The following PDE4D variants were observed in gnomAD, a reference collection of about 807,000 sequenced individuals.
The protein encoded by PDE4D is 3',5'-cyclic-AMP phosphodiesterase 4D.
Under a neutral mutation model 87.4 loss-of-function variants are expected in PDE4D, and 24 were observed. That is an observed-to-expected ratio of 0.27 (90% CI 0.20 to 0.39). PDE4D has a LOEUF of 0.39. Among genes scored for constraint, PDE4D ranks in the 10% least tolerant of loss-of-function variants. The pLI, the probability that PDE4D is intolerant of heterozygous loss-of-function variation, is 1.00. For synonymous variants in PDE4D, 384 were observed against 383.2 expected (o/e 1.00, Z -0.02); for missense variants, 714 against 1,041.0 (o/e 0.69, Z 4.32).
intron 2 of PDE4D, among the ~76,000 whole-genome samples, chr5:60,158,613 A>G (rs1478861043): frequency 1.3e-5 from 2 of 152,152 alleles, no homozygotes; most frequent in Non-Finnish European, 2.9e-5. Flanking sequence ...CCCAGGCTGG[A>G]GTGCAGTGGC....
At chr5:59,617,920 C>T (rs149234107) in intron 1 of PDE4D, among the ~76,000 whole-genome samples, 384 of 152,286 alleles carry the variant, frequency 2.5e-3, no homozygotes, top group African/African-American at 8.8e-3. Context: ...AAGTAGTGGC[C>T]TCTTTTCAAG....
chr5:60,151,116 A>G (rs1281248467), intron 2 of PDE4D, among the ~76,000 whole-genome samples: 2 of 152,190 alleles, frequency 1.3e-5, no homozygotes, highest in Non-Finnish European at 2.9e-5. Context: ...ATTCCCTCTA[A>G]TCAAGTACAA....
chr5:59,574,300 T>A (rs955365587), intron 1 of PDE4D, among the ~76,000 whole-genome samples: 28 of 150,482 alleles, frequency 1.9e-4, no homozygotes, highest in African/African-American at 5.1e-4. Flanking sequence ...TCATACCTTA[T>A]TTCTCTTTGC....
At chr5:59,535,072 TGTGTG>T (rs1457600299) in intron 1 of PDE4D, among the ~76,000 whole-genome samples, 2 of 77,254 alleles carry the variant, frequency 2.6e-5, no homozygotes, top group African/African-American at 8.5e-5. Context: ...TGTGTGTGTG[TGTGTG>T]GGGGGGGGGT....
At chr5:60,248,623 A>G (rs1057416896) in intron 1 of PDE4D, among the ~76,000 whole-genome samples, 3 of 152,080 alleles carry the variant, frequency 2.0e-5, no homozygotes, top group African/African-American at 4.8e-5. Flanking sequence ...GACAGACTGG[A>G]CCTTCACAAT....
At chr5:59,802,793 T>A (rs916233248) in intron 1 of PDE4D, among the ~76,000 whole-genome samples, 1 of 152,062 alleles carries the variant, frequency 6.6e-6, no homozygotes, top group African/African-American at 2.4e-5. Flanking sequence ...GCTATAAGGA[T>A]GAAATCAATG....
At chr5:60,511,517 T>TTAATAATAATAATAATAATAA (rs150885033) in intron 1 of PDE4D, among the ~76,000 whole-genome samples, 2 of 147,744 alleles carry the variant, frequency 1.4e-5, no homozygotes, top group African/African-American at 2.5e-5. Flanking sequence ...CTATAGAAAT[T>TTAATAATAATAATAATAATAA]TAATAATAAT....
intron 5 of PDE4D, among the ~76,000 whole-genome samples, chr5:59,078,141 AG>A (rs1224316503): frequency 1.3e-5 from 2 of 152,318 alleles, no homozygotes; most frequent in Admixed American, 1.3e-4. Flanking sequence ...GTAATACACA[AG>A]GAAGTATGCA....
chr5:60,316,202 C>T (rs1583397039), intron 1 of PDE4D, among the ~76,000 whole-genome samples: 1 of 152,270 alleles, frequency 6.6e-6, no homozygotes. Context: ...AGGTCCTTCA[C>T]GTCCCTTGTA....
chr5:59,284,074 C>T (rs1766386135), intron 1 of PDE4D, among the ~76,000 whole-genome samples: 1 of 152,146 alleles, frequency 6.6e-6, no homozygotes, highest in Non-Finnish European at 1.5e-5. Context: ...TGATCACTTT[C>T]AGATCTTTGC....
intron 5 of PDE4D, among the ~76,000 whole-genome samples, chr5:59,085,452 T>C (rs950601395): frequency 2.0e-5 from 3 of 152,198 alleles, no homozygotes; most frequent in African/African-American, 7.2e-5. Context: ...TATTATTTTG[T>C]AATAGATATG....
At chr5:60,065,691 C>T (rs12189363) in intron 2 of PDE4D, among the ~76,000 whole-genome samples, 3 of 151,984 alleles carry the variant, frequency 2.0e-5, no homozygotes, top group Non-Finnish European at 2.9e-5. Context: ...TGCGTGTTTG[C>T]TTTTTTGTCC....
chr5:59,700,099 A>G (rs889260682), intron 1 of PDE4D, among the ~76,000 whole-genome samples: 3 of 152,192 alleles, frequency 2.0e-5, no homozygotes, highest in African/African-American at 7.2e-5. Context: ...CATAACCATT[A>G]CTGAACTCTA....
At position 59,939,764 on chromosome 5, in the gene PDE4D, C is replaced by A. The variant is rs188058771; in HGVS notation, c.272+48724G>T. Among the ~76,000 whole-genome samples, 36 of 152,218 alleles carry A rather than the reference C, an allele frequency of 2.4e-4. 1 individual carries two copies. The East Asian group carries it at 6.0e-3, about 25-fold the overall frequency. On this transcript the variant is annotated intron_variant, in intron 3 of 16. Coordinates refer to the PDE4D transcript ENST00000502484. ...AAGGAAAGCAGACGGGGGTACCTAACTGTAGAGGACCTTGTAGGCCAACCT... is the reference window on the plus strand; with the variant it reads ...AAGGAAAGCAGACGGGGGTACCTAAATGTAGAGGACCTTGTAGGCCAACCT...
chr5:59,214,706 C>T (rs1750844581), intron 2 of PDE4D, among the ~76,000 whole-genome samples: 1 of 152,082 alleles, frequency 6.6e-6, no homozygotes, highest in Non-Finnish European at 1.5e-5. Context: ...AAAATAGGGC[C>T]ACTAGGAATA....
chr5:59,342,748 T>C (rs1778940971), intron 1 of PDE4D, among the ~76,000 whole-genome samples: 1 of 152,056 alleles, frequency 6.6e-6, no homozygotes, highest in African/African-American at 2.4e-5. Context: ...ATATAAAATA[T>C]AAAGTCAGAA....
chr5:59,980,985 C>A (rs1255934513), intron 3 of PDE4D, among the ~76,000 whole-genome samples: 1 of 152,186 alleles, frequency 6.6e-6, no homozygotes, highest in African/African-American at 2.4e-5. Flanking sequence ...GGCATGATGG[C>A]TCACGCCTGT....
intron 1 of PDE4D, among the ~76,000 whole-genome samples, chr5:60,295,625 A>G (rs1461677741): frequency 6.6e-6 from 1 of 152,168 alleles, no homozygotes; most frequent in East Asian, 1.9e-4. Context: ...TCTAGCTGTG[A>G]CAATGTCTCC....
chr5:60,395,106 G>A (rs539961653), intron 1 of PDE4D, among the ~76,000 whole-genome samples: 1 of 152,262 alleles, frequency 6.6e-6, no homozygotes, highest in East Asian at 1.9e-4. Flanking sequence ...ATGTACAGGT[G>A]CGGTGGGATT....
Sources: gnomAD v4.1 joint callset for allele counts (sites outside exome capture counted in the v4.1 genomes callset) on GRCh38, gnomAD v4.1.1 for gene constraint, MANE v1.5 for transcripts, NCBI Gene and HGNC (gene_info 2026-07-23, HGNC 2026-07-21) for gene names.